DOK6: variants seen among roughly 807,000 people sequenced by gnomAD.
DOK6 encodes the protein downstream of tyrosine kinase 6.
A neutral mutation model predicts 44.0 loss-of-function variants in DOK6; 22 were observed. The ratio of observed to expected loss-of-function variants is 0.50; its 90% CI spans 0.36 to 0.71. The LOEUF (loss-of-function observed/expected upper bound fraction) is 0.71, where lower values mean the gene tolerates loss of function less well. Among genes scored for constraint, DOK6 ranks in the 30% least tolerant of loss-of-function variants. The pLI is 0.00. For synonymous variants in DOK6, 166 were observed against 145.5 expected, an observed-to-expected ratio of 1.14 and a Z score of -1.01; for missense variants, 340 against 416.4, an observed-to-expected ratio of 0.82 and a Z score of 1.60.
intron 1 of DOK6, among the ~76,000 whole-genome samples, chr18:69,416,912 A>T (rs772668105): frequency 7.3e-4 from 108 of 147,642 alleles, no homozygotes; most frequent in Middle Eastern, 3.7e-3. Context: ...TATGGCAATT[A>T]TGCTATTTTT....
chr18:69,503,326 T>A (rs1053307130), intron 1 of DOK6, among the ~76,000 whole-genome samples: 3 of 152,094 alleles, frequency 2.0e-5, no homozygotes, highest in African/African-American at 7.2e-5. Context: ...TGAACTAGGA[T>A]AATTGACTAG....
chr18:69,817,635 T>G (rs535496049), intron 7 of DOK6, among the ~76,000 whole-genome samples: 1 of 152,294 alleles, frequency 6.6e-6, no homozygotes, highest in African/African-American at 2.4e-5. Context: ...ATCACTTCTA[T>G]AGCCTTAGGA....
intron 7 of DOK6, among the ~76,000 whole-genome samples, chr18:69,830,878 A>G (rs1468237613): frequency 6.6e-6 from 1 of 152,164 alleles, no homozygotes; most frequent in Non-Finnish European, 1.5e-5. Context: ...CCTAGGTCTG[A>G]CTTCTTCTGC....
intron 4 of DOK6, among the ~76,000 whole-genome samples, chr18:69,682,143 A>G (rs76570922): frequency 0.01 from 1,548 of 152,316 alleles, 77 homozygotes; most frequent in East Asian, 0.095. Flanking sequence ...TGCTTCCTAC[A>G]TTCAACTCAG....
At chr18:69,524,300 T>C (rs1981770027) in intron 1 of DOK6, among the ~76,000 whole-genome samples, 1 of 151,980 alleles carries the variant, frequency 6.6e-6, no homozygotes, top group East Asian at 1.9e-4. Context: ...AACATAAAAA[T>C]AAAATGGGCA....
intron 1 of DOK6, among the ~76,000 whole-genome samples, chr18:69,550,260 G>A (rs1276249128): frequency 1.3e-5 from 2 of 151,866 alleles, no homozygotes; most frequent in African/African-American, 4.8e-5. Flanking sequence ...ACATTTTCAG[G>A]CACAACAAAA....
At chr18:69,795,512 G>A (rs1437283760) in intron 7 of DOK6, among the ~76,000 whole-genome samples, 1 of 152,124 alleles carries the variant, frequency 6.6e-6, no homozygotes, top group Non-Finnish European at 1.5e-5. Context: ...TTGAAAGACA[G>A]CATAACCCAG....
chr18:69,693,776 A>G (rs1269567621), intron 4 of DOK6, among the ~76,000 whole-genome samples: 1 of 152,080 alleles, frequency 6.6e-6, no homozygotes, highest in Non-Finnish European at 1.5e-5. Context: ...AGATCTATTT[A>G]GGCCGGGCGC....
intron 3 of DOK6, among the ~76,000 whole-genome samples, chr18:69,655,969 TGGTAATTGCTG>T (rs2144667208): frequency 6.6e-6 from 1 of 151,818 alleles, no homozygotes; most frequent in South Asian, 2.1e-4. Context: ...GAAGTCAAAA[TGGTAATTGCTG>T]AAAAAAAATT....
At chr18:69,523,527 A>T (rs963551459) in intron 1 of DOK6, among the ~76,000 whole-genome samples, 2 of 152,090 alleles carry the variant, frequency 1.3e-5, no homozygotes, top group African/African-American at 4.8e-5. Context: ...TACATACAGG[A>T]AATCATCTAT....
At chr18:69,704,186 G>T (rs999477610) in intron 5 of DOK6, among the ~76,000 whole-genome samples, 7 of 152,172 alleles carry the variant, frequency 4.6e-5, no homozygotes, top group Non-Finnish European at 8.8e-5. Context: ...GGTAATGCAT[G>T]TTATTTCTAT....
chr18:69,506,171 T>C (rs756050220), intron 1 of DOK6, among the ~76,000 whole-genome samples: 1 of 152,082 alleles, frequency 6.6e-6, no homozygotes, highest in Non-Finnish European at 1.5e-5. Flanking sequence ...GACAAATAGA[T>C]GGAAGTTATA....
chr18:69,564,581 G>C lies in DOK6; in HGVS notation c.161G>C (p.Arg54Thr), dbSNP rs1982924616. 1.9e-6 allele frequency: 3 copies of C among 1,613,270 alleles called. No individual in the cohort carries two copies. The South Asian group carries it at 3.3e-5, about 18-fold the overall frequency. ...CCAGATGAAAAGGCAGCTTATTTCA[G>C]AAACTTTCATAAGGTAAGTCACAGT... is the stretch of plus-strand genomic sequence containing the variant. The part of the protein sequence containing the change: ...KFPDEKAAYF[R>T]NFHKVTELHN... Residue 54 changes from arginine to threonine, a missense_variant, in exon 2 of 8, where the codon AGA becomes ACA. Physicochemically the swap from Arg to Thr is moderately conservative, Grantham distance 71. Transcript: ENST00000382713.
At chr18:69,617,494 AAGAAAGAAAG>A (rs1221689752) in intron 3 of DOK6, among the ~76,000 whole-genome samples, 9 of 142,508 alleles carry the variant, frequency 6.3e-5, no homozygotes, top group Non-Finnish European at 9.3e-5. Flanking sequence ...GAAAAGAAGA[AAGAAAGAAAG>A]AGAAAGAAAG....
chr18:69,618,144 C>T (rs1984356132), intron 3 of DOK6, among the ~76,000 whole-genome samples: 1 of 152,184 alleles, frequency 6.6e-6, no homozygotes, highest in South Asian at 2.1e-4. Context: ...GATTCTCCCT[C>T]AGCCCTCCAG....
At chr18:69,594,314 A>T (rs1983690696) in intron 2 of DOK6, among the ~76,000 whole-genome samples, 1 of 152,042 alleles carries the variant, frequency 6.6e-6, no homozygotes, top group Non-Finnish European at 1.5e-5. Context: ...ACATACATAC[A>T]GATACATGCA....
At chr18:69,656,323 C>A (rs533152084) in intron 3 of DOK6, among the ~76,000 whole-genome samples, 3 of 151,976 alleles carry the variant, frequency 2.0e-5, no homozygotes, top group African/African-American at 7.3e-5. Context: ...GAAAGGAGTA[C>A]CAAAAACATA....
chr18:69,609,128 T>A (rs10439008), intron 3 of DOK6, among the ~76,000 whole-genome samples: 1 of 152,038 alleles, frequency 6.6e-6, no homozygotes, highest in Non-Finnish European at 1.5e-5. Context: ...AAAGCTCAGA[T>A]AACAAAAGCA....
intron 3 of DOK6, among the ~76,000 whole-genome samples, chr18:69,659,587 G>A (rs1599247706): frequency 6.6e-6 from 1 of 152,068 alleles, no homozygotes; most frequent in South Asian, 2.1e-4. Flanking sequence ...CAAACAGGTC[G>A]TTAAATGCAG....
Sources: gnomAD v4.1 joint callset for allele counts (sites outside exome capture counted in the v4.1 genomes callset) on GRCh38, gnomAD v4.1.1 for gene constraint, MANE v1.5 for transcripts, NCBI Gene and HGNC (gene_info 2026-07-23, HGNC 2026-07-21) for gene names.